The following C19orf12 variants were observed in gnomAD, a reference collection of about 807,000 sequenced individuals.
C19orf12 encodes chromosome 19 open reading frame 12.
Under a neutral mutation model 3.8 loss-of-function variants are expected in C19orf12, and 2 were observed. That is an observed-to-expected ratio of 0.53 (90% CI 0.22 to 1.66). C19orf12 has a LOEUF of 1.66. C19orf12 is among the 40% of genes most tolerant of loss of function. The pLI, the probability that C19orf12 is intolerant of heterozygous loss-of-function variation, is 0.20. For synonymous variants in C19orf12, 89 were observed against 84.6 expected (o/e 1.05, Z -0.28); for missense variants, 156 against 188.8 (o/e 0.83, Z 1.02).
chr19:29,713,075 C>T (rs777441781), intron 1 of C19orf12, among the ~76,000 whole-genome samples: 18 of 152,224 alleles, frequency 1.2e-4, no homozygotes, highest in Non-Finnish European at 2.5e-4. Context: ...AGGTTAGTAA[C>T]TCCATCTCCT....
At chr19:29,709,402 G>A (rs1335744450) in intron 1 of C19orf12, among the ~76,000 whole-genome samples, 1 of 152,238 alleles carries the variant, frequency 6.6e-6, no homozygotes, top group Non-Finnish European at 1.5e-5. Context: ...CTCTGGCTGA[G>A]CCCAAGGCTC....
At chr19:29,709,620 CCTGGG>C (rs1239498085) in intron 1 of C19orf12, among the ~76,000 whole-genome samples, 1 of 150,942 alleles carries the variant, frequency 6.6e-6, no homozygotes, top group Admixed American at 6.6e-5. Flanking sequence ...GCCTTGACCT[CCTGGG>C]CTCAAGCGAT....
intron 1 of C19orf12, among the ~76,000 whole-genome samples, chr19:29,714,293 G>C (rs1972843629): frequency 6.6e-6 from 1 of 152,084 alleles, no homozygotes; most frequent in African/African-American, 2.4e-5. Flanking sequence ...AGGAGTTTGA[G>C]ATTAGCCTGG....
intron 2 of C19orf12, among the ~76,000 whole-genome samples, chr19:29,704,832 C>T (rs549228370): frequency 5.9e-5 from 9 of 152,310 alleles, no homozygotes; most frequent in African/African-American, 1.4e-4. Flanking sequence ...AGCCTTGAAT[C>T]GCATGGACCT....
intron 2 of C19orf12, among the ~76,000 whole-genome samples, chr19:29,703,383 T>C (rs141079994): frequency 0.14 from 19,362 of 141,460 alleles, 2,209 homozygotes; most frequent in African/African-American, 0.34. Flanking sequence ...CTTTTCTTTT[T>C]TTTTTTTTTT....
chr19:29,715,026 A>C (rs780450279), intron 1 of C19orf12, 99 bp downstream of exon 1: 4 of 690,372 alleles, frequency 5.8e-6, no homozygotes, highest in South Asian at 4.5e-5. Context: ...CCTCTCCCCA[A>C]GGCACTCCCG....
Position 29,701,550 on chromosome 19 carries a change from T to G in C19orf12, c.*1162A>C, listed in dbSNP as rs1034190590. On this transcript the variant is annotated 3_prime_UTR_variant, in exon 3 of 3. Coordinates refer to ENST00000323670, the MANE Select transcript of C19orf12 (RefSeq NM_031448.6). ...CTATCCAAGGCTGGTTGGATCTAAA[T>G]GTGGAGACCACAGTTACGGAGAGCT... 2.2e-6 allele frequency: 1 copy of G among 454,042 alleles called. No homozygotes were observed. The highest frequency in any genetic ancestry group is 4.4e-6 in the Non-Finnish European group (1 of 226,814). 28.1% of individuals were successfully genotyped at this position (454,042 alleles called of 1,614,324 possible).
rs201944470 is a variant in C19orf12, at chr19:29,708,297, G to A, written c.117C>T (p.Ala39=). 5.6e-6 allele frequency: 9 copies of A among 1,613,730 alleles called. No homozygotes were observed. Among genetic ancestry groups the A allele is most frequent in the African/African-American group, 1.3e-5 (1 of 75,020 alleles). Residue 39 remains alanine, a synonymous_variant, in exon 2 of 3, where the codon GCC becomes GCT. Coordinates refer to ENST00000323670, the MANE Select transcript of C19orf12 (RefSeq NM_031448.6). ...GGCCGCCCACCAAACCCCCGACGAA[G>A]GCCATGGCCCCTGTGACCAGGGCAC... is the stretch of plus-strand genomic sequence containing the variant. ...GKGALVTGAM[A]FVGGLVGGPP... is the part of the protein sequence containing the mutation.
intron 1 of C19orf12, among the ~76,000 whole-genome samples, chr19:29,709,285 A>G (rs1972544617): frequency 6.6e-6 from 1 of 152,224 alleles, no homozygotes; most frequent in Non-Finnish European, 1.5e-5. Flanking sequence ...CCTCCAGGGT[A>G]GGGAAAATGT....
rs1455514664 is a variant in C19orf12 at position 29,699,440 on chromosome 19, G to A, written c.*3272C>T. On this transcript the variant is annotated 3_prime_UTR_variant, in exon 3 of 3. Transcript: ENST00000323670. ...AGAGCTTGCAGTGAACCAAGATCGC[G>A]CTACTGCACTCCAGCCCGGGCGACA... The A allele has an allele frequency of 2.2e-5, 9 of 405,352 alleles. No homozygotes were observed. Among genetic ancestry groups the A allele is most frequent in the Admixed American group, 6.6e-5 (2 of 30,328 alleles). 25.1% of individuals were successfully genotyped at this position (405,352 alleles called of 1,614,324 possible). A position where few individuals can be genotyped will look rare whatever the true frequency, so the allele number is the denominator to read the frequency against.
chr19:29,706,490 T>A (rs970658520), intron 2 of C19orf12, among the ~76,000 whole-genome samples: 20 of 152,148 alleles, frequency 1.3e-4, no homozygotes, highest in Non-Finnish European at 2.2e-4. Flanking sequence ...TTTTACTCAA[T>A]CTGAATAAAA....
At chr19:29,705,344 G>C (rs952229181) in intron 2 of C19orf12, 23 of 440,864 alleles carry the variant, frequency 5.2e-5, no homozygotes, top group Non-Finnish European at 9.4e-5. Flanking sequence ...AAGGCCAGAG[G>C]AGACTAAGAA....
intron 2 of C19orf12, among the ~76,000 whole-genome samples, chr19:29,707,260 G>A (rs1972424059): frequency 6.6e-6 from 1 of 152,212 alleles, no homozygotes; most frequent in African/African-American, 2.4e-5. Flanking sequence ...AGGAGGCTGA[G>A]GCAGGAGAAT....
intron 1 of C19orf12, among the ~76,000 whole-genome samples, chr19:29,713,538 T>G (rs73548182): frequency 0.011 from 1,687 of 151,958 alleles, 32 homozygotes; most frequent in African/African-American, 0.038. Context: ...CAAGTACCCT[T>G]TTCTTTAACA....
At chr19:29,705,834 C>A (rs1972352632) in intron 2 of C19orf12, among the ~76,000 whole-genome samples, 1 of 152,132 alleles carries the variant, frequency 6.6e-6, no homozygotes, top group African/African-American at 2.4e-5. Flanking sequence ...TTAGTTTTGA[C>A]AAGCATACAG....
rs74854677 is a variant in C19orf12 at position 29,700,612 on chromosome 19, C to A, written c.*2100G>T. The A allele has an allele frequency of 0.1, 46,012 of 454,124 alleles. 3,291 individuals carry two copies. Among genetic ancestry groups the A allele is most frequent in the Non-Finnish European group, 0.15 (34,647 of 226,772 alleles). 28.1% of individuals were successfully genotyped at this position (454,124 alleles called of 1,614,324 possible). ...CCCTCCTTCCCACCCCTGCCCTGTC[C>A]CCCATCAACTTAAGTGGCATATAAA... is the stretch of plus-strand genomic sequence containing the variant. On this transcript the variant is annotated 3_prime_UTR_variant, in exon 3 of 3. Transcript: ENST00000323670.
At position 29,700,885 on chromosome 19, in the gene C19orf12, C is replaced by G. The variant is rs761080233; in HGVS notation, c.*1827G>C. On this transcript the variant is annotated 3_prime_UTR_variant, in exon 3 of 3. Coordinates refer to ENST00000323670, the MANE Select transcript of C19orf12 (RefSeq NM_031448.6). Reference sequence around the variant, plus strand: ...AGCCTCCAGGGCCTGAGAGGAGAGCCCCAAGTCCCTGCCCTGCCCCAGGAC... The same window carrying G: ...AGCCTCCAGGGCCTGAGAGGAGAGCGCCAAGTCCCTGCCCTGCCCCAGGAC... 1.2e-4 allele frequency: 56 copies of G among 453,894 alleles called. No homozygotes were observed. The highest frequency in any genetic ancestry group is 1.8e-5 in the Non-Finnish European group (4 of 226,796). 28.1% of individuals were successfully genotyped at this position (453,894 alleles called of 1,614,324 possible). A position where few individuals can be genotyped will look rare whatever the true frequency, so the allele number is the denominator to read the frequency against.
intron 1 of C19orf12, among the ~76,000 whole-genome samples, chr19:29,711,201 G>A (rs1221660937): frequency 6.6e-6 from 1 of 151,978 alleles, no homozygotes; most frequent in African/African-American, 2.4e-5. Context: ...CACCACACCT[G>A]GCTAATTTTT....
chr19:29,698,925 C>T (rs1044567890), downstream of C19orf12: 10 of 418,312 alleles, frequency 2.4e-5, no homozygotes, highest in African/African-American at 2.1e-4. Context: ...GGAATGAATC[C>T]CAAAGACTAT....
Sources: allele counts gnomAD v4.1 joint callset (sites outside exome capture counted in the v4.1 genomes callset), GRCh38; gene constraint gnomAD v4.1.1; transcripts MANE v1.5; gene names NCBI Gene and HGNC (gene_info 2026-07-23, HGNC 2026-07-21).